The following TMEM232 variants were observed in gnomAD, a reference collection of about 807,000 sequenced individuals.
The protein encoded by TMEM232 is transmembrane protein 232.
Under a neutral mutation model 78.8 loss-of-function variants are expected in TMEM232, and 80 were observed. The observed-to-expected ratio is 1.01, with a 90% CI of 0.85 to 1.22. The LOEUF (loss-of-function observed/expected upper bound fraction) is 1.22. Among genes scored for constraint, TMEM232 ranks in the 50% most tolerant of loss-of-function variants. TMEM232 has a pLI of 0.00. For missense variants in TMEM232, 881 were observed against 742.2 expected, an observed-to-expected ratio of 1.19 and a Z score of -2.17; for synonymous variants, 297 against 254.3, an observed-to-expected ratio of 1.17 and a Z score of -1.60.
chr5:110,450,446 A>T (rs151199027), intron 12 of TMEM232, among the ~76,000 whole-genome samples: 92 of 151,510 alleles, frequency 6.1e-4, no homozygotes, highest in African/African-American at 2.2e-3. Flanking sequence ...AACCTCCTAA[A>T]TTATCTCATT....
At chr5:110,477,276 A>G (rs1292905854) in intron 12 of TMEM232, among the ~76,000 whole-genome samples, 1 of 151,944 alleles carries the variant, frequency 6.6e-6, no homozygotes, top group Non-Finnish European at 1.5e-5. Context: ...AAAAAGCACC[A>G]AACTATCTTT....
At chr5:110,736,003 C>T (rs1799121341) in intron 1 of TMEM232, among the ~76,000 whole-genome samples, 1 of 152,184 alleles carries the variant, frequency 6.6e-6, no homozygotes, top group Non-Finnish European at 1.5e-5. Context: ...TTTTAAATTA[C>T]AGAAACTATG....
intron 1 of TMEM232, among the ~76,000 whole-genome samples, chr5:110,698,022 G>T (rs560674659): frequency 0.01 from 1,561 of 152,178 alleles, 24 homozygotes; most frequent in African/African-American, 0.035. Context: ...CAATAGCAAA[G>T]ACTTGGAACC....
chr5:110,693,730 G>A (rs1234695155), intron 1 of TMEM232, among the ~76,000 whole-genome samples: 1 of 152,140 alleles, frequency 6.6e-6, no homozygotes, highest in Non-Finnish European at 1.5e-5. Flanking sequence ...TGAATGAAAT[G>A]AAGCAAGAAG....
At chr5:110,540,200 T>C (rs1331078480) in intron 11 of TMEM232, among the ~76,000 whole-genome samples, 6 of 152,106 alleles carry the variant, frequency 3.9e-5, no homozygotes, top group Non-Finnish European at 5.9e-5. Flanking sequence ...GAAATTAGGA[T>C]CAGAACACAG....
At chr5:110,692,167 G>A (rs529336285) in intron 1 of TMEM232, among the ~76,000 whole-genome samples, 8 of 152,230 alleles carry the variant, frequency 5.3e-5, no homozygotes, top group African/African-American at 9.6e-5. Flanking sequence ...TGATCTGCCC[G>A]CCTCGGCCTC....
chr5:110,603,628 A>T (rs1052055675), intron 10 of TMEM232, among the ~76,000 whole-genome samples: 6 of 152,182 alleles, frequency 3.9e-5, no homozygotes, highest in African/African-American at 1.4e-4. Context: ...AATAACTAAG[A>T]TTGTGAACAG....
intron 12 of TMEM232, among the ~76,000 whole-genome samples, chr5:110,491,881 TTAAAA>T (rs1215681054): frequency 2.0e-5 from 3 of 151,584 alleles, no homozygotes; most frequent in Non-Finnish European, 2.9e-5. Flanking sequence ...GTAATAGAGA[TTAAAA>T]TAAATTATAA....
At chr5:110,525,203 C>A (rs1770396025) in intron 12 of TMEM232, among the ~76,000 whole-genome samples, 1 of 148,734 alleles carries the variant, frequency 6.7e-6, no homozygotes, top group South Asian at 2.1e-4. Flanking sequence ...TATTTTTAAT[C>A]AATATTTTAC....
intron 1 of TMEM232, among the ~76,000 whole-genome samples, chr5:110,737,059 A>T (rs1247436612): frequency 1.3e-5 from 2 of 150,454 alleles, no homozygotes; most frequent in African/African-American, 4.9e-5. Context: ...TAATACAATC[A>T]TGTCATTATT....
chr5:110,524,396 AAAGAAAGAAAGAAAG>A (rs1321226594), intron 12 of TMEM232, among the ~76,000 whole-genome samples: 164 of 71,400 alleles, frequency 2.3e-3, no homozygotes, highest in African/African-American at 0.011. Context: ...AGAAAGAAAG[AAAGAAAGAAAGAAAG>A]AAAGAAAAGA....
intron 2 of TMEM232, among the ~76,000 whole-genome samples, chr5:110,655,816 A>G (rs1480433669): frequency 6.6e-6 from 1 of 150,876 alleles, no homozygotes; most frequent in East Asian, 2.0e-4. Context: ...ACAAAAAACC[A>G]AACACTGCAT....
intron 1 of TMEM232, among the ~76,000 whole-genome samples, chr5:110,670,680 G>T (rs1449373016): frequency 6.6e-6 from 1 of 151,994 alleles, no homozygotes; most frequent in African/African-American, 2.4e-5. Context: ...TCCAGACTGG[G>T]TCTAACTTTA....
chr5:110,406,153 T>C (rs1477736960), intron 2 of TMEM232, among the ~76,000 whole-genome samples: 1 of 151,936 alleles, frequency 6.6e-6, no homozygotes, highest in Non-Finnish European at 1.5e-5. Flanking sequence ...ATGGACTGAA[T>C]AGAACTCTCA....
chr5:110,703,454 T>C (rs1230638900), intron 1 of TMEM232, among the ~76,000 whole-genome samples: 1 of 152,056 alleles, frequency 6.6e-6, no homozygotes, highest in Non-Finnish European at 1.5e-5. Flanking sequence ...ATGCAAAATA[T>C]CCAATTTGTT....
At chr5:110,509,039 CAT>C (rs571158873) in intron 12 of TMEM232, among the ~76,000 whole-genome samples, 1,478 of 144,094 alleles carry the variant, frequency 0.01, 28 homozygotes, top group African/African-American at 0.035. Flanking sequence ...TATACACACA[CAT>C]ATATGTGTAT....
intron 12 of TMEM232, among the ~76,000 whole-genome samples, chr5:110,514,973 T>A (rs772976719): frequency 6.6e-6 from 1 of 152,222 alleles, no homozygotes; most frequent in Admixed American, 6.5e-5. Flanking sequence ...TTTGAACATA[T>A]TTTTAAACAA....
intron 12 of TMEM232, among the ~76,000 whole-genome samples, chr5:110,445,514 G>A (rs1357080647): frequency 6.6e-6 from 1 of 152,106 alleles, no homozygotes; most frequent in Admixed American, 6.5e-5. Flanking sequence ...TTGAATAATG[G>A]CCTTCGTCAG....
intron 13 of TMEM232, among the ~76,000 whole-genome samples, chr5:110,421,614 A>G (rs1464155388): frequency 1.3e-5 from 2 of 152,120 alleles, no homozygotes; most frequent in Non-Finnish European, 2.9e-5. Context: ...ATGCATATAC[A>G]CAAATGATCA....
Sources: gnomAD v4.1 joint callset for allele counts (sites outside exome capture counted in the v4.1 genomes callset) on GRCh38, gnomAD v4.1.1 for gene constraint, MANE v1.5 for transcripts, NCBI Gene and HGNC (gene_info 2026-07-23, HGNC 2026-07-21) for gene names.